The following CADM2 variants were observed in gnomAD, a reference collection of about 807,000 sequenced individuals.
The protein encoded by CADM2 is immunoglobulin superfamily member 4D.
Under a neutral mutation model 49.8 loss-of-function variants are expected in CADM2, and 12 were observed. That is an observed-to-expected ratio of 0.24 (90% CI 0.15 to 0.39). The LOEUF is 0.39. CADM2 is among the 10% of genes least tolerant of loss of function. The pLI is 1.00. For synonymous variants in CADM2, 214 were observed against 175.4 expected (o/e 1.22, Z -1.74); for missense variants, 378 against 492.3 (o/e 0.77, Z 2.20).
intron 1 of CADM2, among the ~76,000 whole-genome samples, chr3:85,524,922 T>G (rs58828944): frequency 6.6e-6 from 1 of 151,956 alleles, no homozygotes; most frequent in Non-Finnish European, 1.5e-5. Flanking sequence ...ATTTATTGTT[T>G]TGAAACCTAT....
chr3:85,794,732 G>C (rs935140146), intron 2 of CADM2, among the ~76,000 whole-genome samples: 26 of 152,036 alleles, frequency 1.7e-4, no homozygotes, highest in African/African-American at 6.3e-4. Context: ...AATCCTTGTA[G>C]ATGGTAAACA....
At chr3:85,441,433 C>T (rs991712417) in intron 1 of CADM2, among the ~76,000 whole-genome samples, 1 of 151,908 alleles carries the variant, frequency 6.6e-6, no homozygotes, top group Non-Finnish European at 1.5e-5. Flanking sequence ...AATTAACATC[C>T]ATGAAATGCT....
chr3:85,529,135 GAGTGTCAAGACC>G (rs1485512390), intron 1 of CADM2, among the ~76,000 whole-genome samples: 1 of 152,290 alleles, frequency 6.6e-6, no homozygotes, highest in South Asian at 2.1e-4. Context: ...AGTTGATAAT[GAGTGTCAAGACC>G]AGTCTTTGCT....
chr3:85,834,806 A>G (rs181518775), intron 3 of CADM2, among the ~76,000 whole-genome samples: 1 of 151,424 alleles, frequency 6.6e-6, no homozygotes, highest in East Asian at 1.9e-4. Context: ...GGAGATTGTT[A>G]TATATCACAA....
chr3:86,049,414 A>G (rs1737073501), intron 8 of CADM2, among the ~76,000 whole-genome samples: 2 of 151,700 alleles, frequency 1.3e-5, no homozygotes, highest in Non-Finnish European at 2.9e-5. Flanking sequence ...AGCTGGGACT[A>G]CAGGCACCCG....
At chr3:85,127,530 G>T (rs1446033040) in intron 1 of CADM2, among the ~76,000 whole-genome samples, 1 of 152,130 alleles carries the variant, frequency 6.6e-6, no homozygotes, top group Admixed American at 6.5e-5. Flanking sequence ...GGGCTTCTGG[G>T]TCAGATTACT....
intron 3 of CADM2, among the ~76,000 whole-genome samples, chr3:85,830,303 G>A (rs1446950953): frequency 1.3e-5 from 2 of 151,730 alleles, no homozygotes. Flanking sequence ...ATACCTTTTG[G>A]CCATTTGTAG....
At chr3:85,075,992 AT>A (rs1203884915) in intron 1 of CADM2, among the ~76,000 whole-genome samples, 1 of 151,712 alleles carries the variant, frequency 6.6e-6, no homozygotes, top group Non-Finnish European at 1.5e-5. Context: ...AGAAAAGCAT[AT>A]TGTTCAATTA....
intron 8 of CADM2, among the ~76,000 whole-genome samples, chr3:86,023,649 C>T (rs1733496227): frequency 6.6e-6 from 1 of 152,138 alleles, no homozygotes. Flanking sequence ...TGAGCCGCCA[C>T]ACCCAGCCTA....
At chr3:85,731,547 A>G (rs975930648) in intron 2 of CADM2, among the ~76,000 whole-genome samples, 1 of 152,164 alleles carries the variant, frequency 6.6e-6, no homozygotes, top group East Asian at 1.9e-4. Context: ...TGTGGGAAAA[A>G]TGAACAAACA....
intron 1 of CADM2, among the ~76,000 whole-genome samples, chr3:85,013,963 A>G (rs1382343599): frequency 6.8e-6 from 1 of 146,096 alleles, no homozygotes; most frequent in East Asian, 2.0e-4. Context: ...ATATATACGC[A>G]GTGTAATAAT....
intron 1 of CADM2, among the ~76,000 whole-genome samples, chr3:85,638,860 T>C (rs1179030382): frequency 6.6e-6 from 1 of 152,160 alleles, no homozygotes; most frequent in Non-Finnish European, 1.5e-5. Context: ...TTAGGGTGTT[T>C]TTCTGCAGTC....
At chr3:85,724,206 T>A (rs1320140995) in intron 1 of CADM2, among the ~76,000 whole-genome samples, 1 of 152,064 alleles carries the variant, frequency 6.6e-6, no homozygotes, top group Non-Finnish European at 1.5e-5. Context: ...TTTGAAATAG[T>A]AGATTCTGTG....
intron 8 of CADM2, among the ~76,000 whole-genome samples, chr3:86,061,149 T>C (rs1738590682): frequency 6.6e-6 from 1 of 152,114 alleles, no homozygotes; most frequent in South Asian, 2.1e-4. Flanking sequence ...AGACACTGAA[T>C]GTTTGAATTG....
At chr3:85,685,753 C>T (rs2066191065) in intron 1 of CADM2, among the ~76,000 whole-genome samples, 1 of 151,370 alleles carries the variant, frequency 6.6e-6, no homozygotes, top group African/African-American at 2.4e-5. Context: ...CCTCCTGAGT[C>T]TCTGGGACTA....
chr3:84,977,344 A>G (rs2031883188), intron 1 of CADM2, among the ~76,000 whole-genome samples: 1 of 152,004 alleles, frequency 6.6e-6, no homozygotes. Flanking sequence ...ATTTCTTGGA[A>G]GAGCACTGAT....
rs372572395 is a variant in CADM2 at position 85,714,603 on chromosome 3, AT to A, written c.62-11911del. ...CACCACGCCCGGCTAATTTTTTTGT[AT>A]TTTTTTTAGTAGAGACGGGGTTTCA... On this transcript the variant is annotated intron_variant, in intron 1 of 9. Transcript: ENST00000383699. Among the ~76,000 whole-genome samples the A allele has an allele frequency of 5.7e-3, 858 of 150,830 alleles. 12 individuals are homozygous for A. Among genetic ancestry groups the A allele is most frequent in the African/African-American group, 0.02 (828 of 41,086 alleles).
intron 1 of CADM2, among the ~76,000 whole-genome samples, chr3:85,562,714 G>A (rs866503087): frequency 6.6e-6 from 1 of 152,104 alleles, no homozygotes; most frequent in Non-Finnish European, 1.5e-5. Flanking sequence ...AAAGGGGAAA[G>A]CAATGTAGAA....
At chr3:85,995,034 A>AAAAAAAAAAAAAT (rs1729210376) in intron 8 of CADM2, among the ~76,000 whole-genome samples, 1 of 150,356 alleles carries the variant, frequency 6.7e-6, no homozygotes, top group Non-Finnish European at 1.5e-5. Flanking sequence ...AAAAAAAAAA[A>AAAAAAAAAAAAAT]TCATTATCTG....
Sources: gnomAD v4.1 joint callset for allele counts (sites outside exome capture counted in the v4.1 genomes callset) on GRCh38, gnomAD v4.1.1 for gene constraint, MANE v1.5 for transcripts, NCBI Gene and HGNC (gene_info 2026-07-23, HGNC 2026-07-21) for gene names.